SHROOM2: variants seen among roughly 807,000 people sequenced by gnomAD.
SHROOM2 encodes protein Shroom2.
In SHROOM2, 33 loss-of-function variants were observed where a neutral mutation model predicts 75.9. The ratio of observed to expected loss-of-function variants is 0.43; its 90% CI spans 0.33 to 0.58. The LOEUF is 0.58. Ranked by LOEUF, SHROOM2 falls within the 20% of genes least tolerant of loss-of-function variation. The pLI is 0.04. For missense variants in SHROOM2, 1,434 were observed against 1,461.2 expected, an observed-to-expected ratio of 0.98 and a Z score of 0.30; for synonymous variants, 655 against 663.6, an observed-to-expected ratio of 0.99 and a Z score of 0.20.
intron 1 of SHROOM2, among the ~76,000 whole-genome samples, chrX:9,802,045 G>C (rs747418648): frequency 9.0e-6 from 1 of 111,376 alleles, no homozygotes; most frequent in South Asian, 3.8e-4. Context: ...CCAATTTGAA[G>C]GTAGATGTGT....
chrX:9,806,156 T>G (rs776803154), intron 1 of SHROOM2, among the ~76,000 whole-genome samples: 66 of 110,261 alleles, frequency 6.0e-4, no homozygotes, highest in African/African-American at 1.7e-3. Flanking sequence ...CCTCCTAGCC[T>G]GTGGTGTTTT....
chrX:9,906,430 A>G (rs2084391554), intron 5 of SHROOM2, among the ~76,000 whole-genome samples: 1 of 112,483 alleles, frequency 8.9e-6, no homozygotes, highest in South Asian at 3.7e-4. Flanking sequence ...ATTTTATGAT[A>G]TATTTTATCT....
At chrX:9,903,612 C>A (rs751648405) in intron 5 of SHROOM2, among the ~76,000 whole-genome samples, 4 of 111,674 alleles carry the variant, frequency 3.6e-5, no homozygotes, top group Admixed American at 9.5e-5. Flanking sequence ...AGTGCGACCT[C>A]TGCTCACTGC....
chrX:9,927,336 C>T (rs1283175296), intron 5 of SHROOM2, among the ~76,000 whole-genome samples: 1 of 70,513 alleles, frequency 1.4e-5, no homozygotes, highest in Admixed American at 2.4e-4. Flanking sequence ...GGCAAAACAG[C>T]AAGACCCTAT....
intron 1 of SHROOM2, among the ~76,000 whole-genome samples, chrX:9,857,527 C>G (rs1051783930): frequency 9.1e-6 from 1 of 109,493 alleles, no homozygotes; most frequent in African/African-American, 3.3e-5. Context: ...GCTGGAACTA[C>G]AGGCACACAC....
In SHROOM2 at chrX:9,948,669, C is replaced by T. The variant is rs138353784; in HGVS notation, c.*1732C>T. On this transcript the variant is annotated 3_prime_UTR_variant, in exon 10 of 10. Transcript: ENST00000380913. ...AAGCTCAATGATGCAGGCAATAAAC[C>T]GCCTTTTTGGCAGCCTACCAATGCC... is the stretch of plus-strand genomic sequence containing the variant. 7.8e-3 allele frequency: 889 copies of T among 113,522 alleles called. 8 individuals carry two copies. The highest frequency in any genetic ancestry group is 0.014 in the Middle Eastern group (3 of 218). 9.4% of individuals were successfully genotyped at this position (113,522 alleles called of 1,213,427 possible).
intron 1 of SHROOM2, among the ~76,000 whole-genome samples, chrX:9,831,871 C>T (rs1286772300): frequency 9.1e-6 from 1 of 110,439 alleles, no homozygotes; most frequent in African/African-American, 3.3e-5. Flanking sequence ...TGAGGCTCCA[C>T]CCTCATGACA....
chrX:9,934,121 C>T (rs1447587512), intron 6 of SHROOM2, among the ~76,000 whole-genome samples: 2 of 111,396 alleles, frequency 1.8e-5, no homozygotes, highest in Admixed American at 9.5e-5. Flanking sequence ...GCTGTAGAGC[C>T]GCACGCCCAG....
chrX:9,854,510 T>G (rs2084056346), intron 1 of SHROOM2, among the ~76,000 whole-genome samples: 1 of 111,959 alleles, frequency 8.9e-6, no homozygotes, highest in Non-Finnish European at 1.9e-5. Context: ...TATTTTGCAT[T>G]TTCTCGTGTT....
intron 1 of SHROOM2, among the ~76,000 whole-genome samples, chrX:9,869,652 T>G (rs1316286014): frequency 8.9e-6 from 1 of 112,476 alleles, no homozygotes; most frequent in Non-Finnish European, 1.9e-5. Flanking sequence ...TCTCTCCTTT[T>G]TTAAGGCTGA....
At chrX:9,793,415 G>A (rs771438017) in intron 1 of SHROOM2, among the ~76,000 whole-genome samples, 37 of 108,438 alleles carry the variant, frequency 3.4e-4, no homozygotes, top group Admixed American at 9.9e-4. Context: ...TCACCCTCCC[G>A]AGTAGCTGGG....
rs1259208052 is a variant in SHROOM2 at position 9,817,558 on chromosome X, T to TATAC, written c.165+30851_165+30854dup. 1.6e-4 allele frequency among the ~76,000 whole-genome samples: 18 copies of TATAC among 111,820 alleles called. No individual in the cohort carries two copies. The Admixed American group carries it at 1.7e-3, about 11-fold the overall frequency. On this transcript the variant is annotated intron_variant, in intron 1 of 9. Coordinates refer to ENST00000380913, the MANE Select transcript of SHROOM2 (RefSeq NM_001649.4). ...TTCAAAGACTACAATTTAGGGCAAG[T>TATAC]ATACATGAAATGAGAAAACAACTCT...
At chrX:9,873,367 G>T (rs1759930714) in intron 1 of SHROOM2, among the ~76,000 whole-genome samples, 1 of 112,686 alleles carries the variant, frequency 8.9e-6, no homozygotes, top group African/African-American at 3.2e-5. Context: ...ATTATTGTCT[G>T]GTTAAAGGAG....
intron 1 of SHROOM2, among the ~76,000 whole-genome samples, chrX:9,807,082 C>T (rs1055030228): frequency 1.8e-5 from 2 of 111,404 alleles, no homozygotes; most frequent in Non-Finnish European, 3.8e-5. Context: ...GGCCCTGGGT[C>T]GCAGCTGGCA....
chrX:9,904,980 T>C (rs1265264509), intron 5 of SHROOM2, among the ~76,000 whole-genome samples: 8 of 112,216 alleles, frequency 7.1e-5, no homozygotes, highest in Non-Finnish European at 1.5e-4. Flanking sequence ...CCCGAGTAGC[T>C]GGGATCACAG....
intron 1 of SHROOM2, among the ~76,000 whole-genome samples, chrX:9,804,132 C>T (rs766018450): frequency 9.0e-6 from 1 of 111,595 alleles, no homozygotes; most frequent in Non-Finnish European, 1.9e-5. Flanking sequence ...GTTAGCTCCC[C>T]GTCTTCCTTT....
chrX:9,899,953 G>A (rs112907699), intron 5 of SHROOM2, among the ~76,000 whole-genome samples: 2,140 of 111,909 alleles, frequency 0.019, 40 homozygotes, highest in African/African-American at 0.065. Flanking sequence ...GAGGGCACCC[G>A]TGCTGGTGAG....
intron 1 of SHROOM2, among the ~76,000 whole-genome samples, chrX:9,858,314 G>T (rs1246135471): frequency 8.9e-6 from 1 of 112,174 alleles, no homozygotes; most frequent in Admixed American, 9.4e-5. Flanking sequence ...GGATGGGAAT[G>T]TCCATTAAAG....
At chrX:9,790,856 CT>C (rs1455230564) in intron 1 of SHROOM2, among the ~76,000 whole-genome samples, 2 of 111,082 alleles carry the variant, frequency 1.8e-5, no homozygotes, top group Non-Finnish European at 3.8e-5. Context: ...AATTCTCATC[CT>C]TGTTCTCCGG....
Sources: allele counts gnomAD v4.1 joint callset (sites outside exome capture counted in the v4.1 genomes callset), GRCh38; gene constraint gnomAD v4.1.1; transcripts MANE v1.5; gene names NCBI Gene and HGNC (gene_info 2026-07-23, HGNC 2026-07-21).